Variants in SP110 observed in about 807,000 individuals in gnomAD.
The protein encoded by SP110 is SP110 nuclear body protein.
Under a neutral mutation model 92.7 loss-of-function variants are expected in SP110, and 62 were observed. The ratio of observed to expected loss-of-function variants is 0.67; its 90% CI spans 0.55 to 0.83. The LOEUF (loss-of-function observed/expected upper bound fraction) is 0.83. Among genes scored for constraint, SP110 ranks in the 40% least tolerant of loss-of-function variants. The pLI is 0.00. For synonymous variants in SP110, 273 were observed against 305.3 expected (o/e 0.89, Z 1.10); for missense variants, 793 against 863.9 (o/e 0.92, Z 1.03).
intron 12 of SP110, 131 bp downstream of exon 12, chr2:230,183,441 G>C: frequency 1.3e-6 from 1 of 764,008 alleles, no homozygotes; most frequent in Admixed American, 1.8e-5. Flanking sequence ...CAATTCAGCT[G>C]GTACCCATGA....
In SP110 at chr2:230,166,618, T is replaced by C. The variant is rs901722917; in HGVS notation, c.*2506A>G. 1.3e-5 allele frequency among the ~76,000 whole-genome samples: 2 copies of C among 152,218 alleles called. No homozygotes were observed. The highest frequency in any genetic ancestry group is 6.5e-5 in the Admixed American group (1 of 15,272). ...AACAAAAATAAACTCCACAGAAATT[T>C]AGAAATCAACTTAGTTTGTTTTTCA... On this transcript the variant is annotated 3_prime_UTR_variant, in exon 19 of 19. Coordinates refer to ENST00000258381, the MANE Select transcript of SP110 (RefSeq NM_080424.4).
intron 11 of SP110, among the ~76,000 whole-genome samples, chr2:230,185,318 C>A (rs765017635): frequency 1.2e-4 from 18 of 152,146 alleles, no homozygotes; most frequent in Non-Finnish European, 2.1e-4. Flanking sequence ...GGGCTGTAGA[C>A]TTCTGAGGAG....
At position 230,200,955 on chromosome 2, in the gene SP110, A is replaced by C; in HGVS notation, c.1059T>G (p.Asp353Glu). The C allele has an allele frequency of 6.2e-7, 1 of 1,612,946 alleles. No individual in the cohort carries two copies. Among genetic ancestry groups the C allele is most frequent in the Non-Finnish European group, 8.5e-7 (1 of 1,178,880 alleles). Residue 353 changes from aspartate to glutamate, a missense_variant, in exon 10 of 19, where the codon GAT becomes GAG. By Grantham distance (45) the Asp-to-Glu change is conservative. Transcript: ENST00000258381. ...TTCCTTCATTCATTTCTGAAGTGCCATCAATGATCTCTGGAAAATGAAAGA... is the reference window on the plus strand; with the variant it reads ...TTCCTTCATTCATTTCTGAAGTGCCCTCAATGATCTCTGGAAAATGAAAGA... ...ARKSRSEEII[D>E]GTSEMNEGKR...
chr2:230,214,544 C>T (rs568411516), intron 3 of SP110, among the ~76,000 whole-genome samples: 3 of 152,266 alleles, frequency 2.0e-5, no homozygotes, highest in Admixed American at 2.0e-4. Flanking sequence ...AAAGTGTTTG[C>T]GATAAGGCAC....
Position 230,172,972 on chromosome 2 carries a change from A to G in SP110, c.1591-13T>C. 6.4e-7 allele frequency: 1 copy of G among 1,570,982 alleles called. No individual in the cohort carries two copies. Among genetic ancestry groups the G allele is most frequent in the Non-Finnish European group, 8.8e-7 (1 of 1,140,740 alleles). On this transcript the variant is annotated splice_polypyrimidine_tract_variant and intron_variant, in intron 14 of 18. Transcript: ENST00000258381. ...CCGAGTTTTTCCGCTGCAAGGGCAG[A>G]TAACGTGGGCACCGCTAGGACCATG...
At chr2:230,199,141 TATTATTA>T (rs370796562) in intron 10 of SP110, among the ~76,000 whole-genome samples, 1 of 134,254 alleles carries the variant, frequency 7.4e-6, no homozygotes, top group African/African-American at 3.3e-5. Context: ...TTATTATTAT[TATTATTA>T]TTTTTTTTTT....
Position 230,169,287 on chromosome 2 carries a change from C to T in SP110, c.2029-50G>A, listed in dbSNP as rs972505115. On this transcript the variant is annotated intron_variant, in intron 18 of 18. Transcript: ENST00000258381. ...CACATTGAAGGATGAAGGATTACAG[C>T]CATCAAATCACTCATACTTTTTTTT... The T allele has an allele frequency of 5.8e-6, 6 of 1,033,330 alleles. No individual in the cohort carries two copies. The Admixed American group carries it at 6.8e-5, about 12-fold the overall frequency. The allele number at this position is 1,033,330 out of a possible 1,614,324, so 64.0% of individuals were successfully genotyped here. A position where few individuals can be genotyped will look rare whatever the true frequency, so the allele number is the denominator to read the frequency against.
chr2:230,177,621 C>G lies in SP110; in HGVS notation c.1507G>C (p.Glu503Gln), dbSNP rs947182676. ...DGTWLTPNEFEVEGKGRNAKN... is the reference protein window; with the variant it reads ...DGTWLTPNEFQVEGKGRNAKN... ...GCGTTCCTTCCTTTTCCTTCGACTT[C>G]AAATTCATTTGGTGTTAACCAAGTT... is the stretch of plus-strand genomic sequence containing the variant. The change falls in exon 14 of 19, where the codon GAA becomes CAA. Residue 503 changes from glutamate to glutamine, a missense_variant. By Grantham distance (29) the Glu-to-Gln change is conservative (BLOSUM62 2). Coordinates refer to ENST00000258381, the MANE Select transcript of SP110 (RefSeq NM_080424.4). 6.2e-7 allele frequency: 1 copy of G among 1,614,168 alleles called. No homozygotes were observed. The highest frequency in any genetic ancestry group is 2.2e-5 in the East Asian group (1 of 44,892).
Position 230,168,264 on chromosome 2 carries a change from G to A in SP110, c.*860C>T, listed in dbSNP as rs575150771. 2 of 151,934 alleles carry A rather than the reference G, an allele frequency of 1.3e-5. No homozygotes were observed. Among genetic ancestry groups the A allele is most frequent in the South Asian group, 2.1e-4 (1 of 4,796 alleles). The allele number at this position is 151,934 out of a possible 1,614,324, so 9.4% of individuals were successfully genotyped here. On this transcript the variant is annotated 3_prime_UTR_variant, in exon 19 of 19. Coordinates refer to ENST00000258381, the MANE Select transcript of SP110 (RefSeq NM_080424.4). ...CCCTGGTTACCTTTAGAGGATATTG[G>A]GACATCAATTCATTATTTTGAACAT...
intron 17 of SP110, 98 bp downstream of exon 17, chr2:230,171,598 G>C (rs924470271): frequency 2.1e-6 from 2 of 937,702 alleles, no homozygotes; most frequent in Non-Finnish European, 3.5e-6. Flanking sequence ...CTTCTCTTCT[G>C]TTCTCCAGCT....
intron 11 of SP110, among the ~76,000 whole-genome samples, chr2:230,184,883 C>A (rs1381823028): frequency 6.6e-6 from 1 of 152,192 alleles, no homozygotes; most frequent in Non-Finnish European, 1.5e-5. Flanking sequence ...TGTCAGCAAA[C>A]TATGGTCTAA....
intron 10 of SP110, 197 bp downstream of exon 10, chr2:230,200,688 A>G: frequency 1.6e-6 from 1 of 617,576 alleles, no homozygotes; most frequent in Non-Finnish European, 2.9e-6. Flanking sequence ...ATATGGACAC[A>G]TTACATAAAA....
upstream of SP110, among the ~76,000 whole-genome samples, chr2:230,223,938 C>T (rs2046027373): frequency 6.6e-6 from 1 of 152,198 alleles, no homozygotes; most frequent in Non-Finnish European, 1.5e-5. Flanking sequence ...AGCCTTCTGA[C>T]TCCACTGGTC....
Position 230,172,048 on chromosome 2 carries a change from G to C in SP110, c.1815+18C>G. 7.0e-7 allele frequency: 1 copy of C among 1,427,888 alleles called. No homozygotes were observed. Among genetic ancestry groups the C allele is most frequent in the Non-Finnish European group, 9.9e-7 (1 of 1,009,556 alleles). 88.5% of individuals were successfully genotyped at this position (1,427,888 alleles called of 1,614,324 possible). A position where few individuals can be genotyped will look rare whatever the true frequency, so the allele number is the denominator to read the frequency against. On this transcript the variant is annotated intron_variant, in intron 16 of 18. Transcript: ENST00000258381. ...TGAGAAGGGAAAAGTATAGGTTTGG[G>C]GTTTGCATCCAACTCACCAGCTGGT...
intron 14 of SP110, among the ~76,000 whole-genome samples, chr2:230,175,094 A>G (rs557026888): frequency 1.3e-5 from 2 of 152,276 alleles, no homozygotes; most frequent in East Asian, 3.9e-4. Flanking sequence ...AGTAATTCCA[A>G]TTGTACATAA....
At chr2:230,201,486 A>C (rs1021967056) in intron 9 of SP110, among the ~76,000 whole-genome samples, 6 of 152,240 alleles carry the variant, frequency 3.9e-5, no homozygotes, top group African/African-American at 1.2e-4. Context: ...TGTACCAAAA[A>C]AAATAAAAAT....
intron 18 of SP110, among the ~76,000 whole-genome samples, chr2:230,169,523 A>G (rs550926373): frequency 5.7e-4 from 86 of 152,200 alleles, no homozygotes; most frequent in South Asian, 1.9e-3. Context: ...AGGCCTTGCT[A>G]TGTTGCTCAG....
intron 14 of SP110, among the ~76,000 whole-genome samples, chr2:230,176,190 C>A (rs1333228035): frequency 1.3e-5 from 2 of 151,964 alleles, no homozygotes; most frequent in Non-Finnish European, 2.9e-5. Flanking sequence ...GGGATCCACC[C>A]ACCTTGGTCT....
At chr2:230,171,362 G>T (rs778320216) in intron 17 of SP110, 14 of 369,354 alleles carry the variant, frequency 3.8e-5, no homozygotes, top group Non-Finnish European at 6.7e-5. Flanking sequence ...AAAGTGCTGG[G>T]ATTACAGGCG....
Sources: allele counts gnomAD v4.1 joint callset (sites outside exome capture counted in the v4.1 genomes callset), GRCh38; gene constraint gnomAD v4.1.1; transcripts MANE v1.5; gene names NCBI Gene and HGNC (gene_info 2026-07-23, HGNC 2026-07-21).